Variants in PTPRD observed in about 807,000 individuals in gnomAD.
PTPRD encodes receptor-type tyrosine-protein phosphatase delta.
PTPRD carries 34 observed loss-of-function variants against 214.5 expected under a neutral mutation model. The ratio of observed to expected loss-of-function variants is 0.16; its 90% CI spans 0.12 to 0.21. The LOEUF (loss-of-function observed/expected upper bound fraction) is 0.21. Ranked by LOEUF, PTPRD falls within the 10% of genes least tolerant of loss-of-function variation. PTPRD has a pLI of 1.00. For synonymous variants in PTPRD, 1,128 were observed against 845.7 expected, an observed-to-expected ratio of 1.33 and a Z score of -5.79; for missense variants, 2,545 against 2,398.7, an observed-to-expected ratio of 1.06 and a Z score of -1.27.
chr9:8,987,986 T>C (rs1376230063), intron 11 of PTPRD, among the ~76,000 whole-genome samples: 1 of 150,898 alleles, frequency 6.6e-6, no homozygotes, highest in African/African-American at 2.4e-5. Flanking sequence ...ATGGTAGAAA[T>C]ATGAGGGAAG....
chr9:8,771,330 C>T (rs910976044), intron 11 of PTPRD, among the ~76,000 whole-genome samples: 13 of 152,188 alleles, frequency 8.5e-5, no homozygotes, highest in Middle Eastern at 3.4e-3. Context: ...TATGCAAGTC[C>T]GTGTACACAA....
At chr9:8,519,920 T>A (rs1234942782) in intron 20 of PTPRD, among the ~76,000 whole-genome samples, 1 of 152,148 alleles carries the variant, frequency 6.6e-6, no homozygotes. Context: ...TATTTAAAGC[T>A]GAAATGGTAA....
At chr9:10,339,164 CATT>C (rs573260647) in intron 3 of PTPRD, among the ~76,000 whole-genome samples, 1 of 151,656 alleles carries the variant, frequency 6.6e-6, no homozygotes, top group Non-Finnish European at 1.5e-5. Flanking sequence ...AAGGAATCCT[CATT>C]AGGAGAGAAG....
chr9:9,237,531 G>T (rs2099967595), intron 9 of PTPRD, among the ~76,000 whole-genome samples: 1 of 152,014 alleles, frequency 6.6e-6, no homozygotes, highest in South Asian at 2.1e-4. Context: ...GAAAAGTTTG[G>T]GTAGTAATTA....
At chr9:9,292,999 A>G (rs929859966) in intron 9 of PTPRD, among the ~76,000 whole-genome samples, 2 of 151,512 alleles carry the variant, frequency 1.3e-5, no homozygotes, top group Non-Finnish European at 3.0e-5. Flanking sequence ...AGTGCTTGTT[A>G]GCTTTCTCTA....
At chr9:8,878,560 T>G (rs1181785915) in intron 11 of PTPRD, among the ~76,000 whole-genome samples, 2 of 152,120 alleles carry the variant, frequency 1.3e-5, no homozygotes, top group African/African-American at 2.4e-5. Context: ...AGAGTCTCAC[T>G]GTGTAGACTA....
At chr9:9,133,050 T>G (rs1171654357) in intron 10 of PTPRD, among the ~76,000 whole-genome samples, 1 of 152,244 alleles carries the variant, frequency 6.6e-6, no homozygotes. Context: ...ATTTTAATAA[T>G]ATTATTTCTC....
chr9:9,681,291 T>C (rs2097064505), intron 7 of PTPRD, among the ~76,000 whole-genome samples: 1 of 151,746 alleles, frequency 6.6e-6, no homozygotes, highest in African/African-American at 2.4e-5. Flanking sequence ...ATTGTTTGTC[T>C]CATCAACTCT....
chr9:9,528,100 CTG>C (rs1174488590), intron 8 of PTPRD, among the ~76,000 whole-genome samples: 2 of 152,094 alleles, frequency 1.3e-5, no homozygotes, highest in East Asian at 1.9e-4. Context: ...AGAAATCAAA[CTG>C]TGGAGAGTGA....
intron 10 of PTPRD, among the ~76,000 whole-genome samples, chr9:9,059,850 T>C (rs1406226855): frequency 1.3e-5 from 2 of 152,038 alleles, no homozygotes; most frequent in Admixed American, 1.3e-4. Flanking sequence ...ACATTAAAAA[T>C]GTATAGGACC....
At chr9:9,559,441 C>T (rs529122502) in intron 8 of PTPRD, among the ~76,000 whole-genome samples, 1 of 152,328 alleles carries the variant, frequency 6.6e-6, no homozygotes, top group African/African-American at 2.4e-5. Context: ...TAGGCCCTAG[C>T]CAAAACTATC....
At chr9:10,363,119 T>A (rs530520223) in intron 2 of PTPRD, among the ~76,000 whole-genome samples, 1 of 152,326 alleles carries the variant, frequency 6.6e-6, no homozygotes, top group Admixed American at 6.5e-5. Context: ...AATCTCTAGA[T>A]TTTCTGATTT....
intron 11 of PTPRD, among the ~76,000 whole-genome samples, chr9:8,772,586 T>A (rs757878580): frequency 3.9e-5 from 6 of 152,100 alleles, no homozygotes; most frequent in Middle Eastern, 3.4e-3. Context: ...GAGGATGTAG[T>A]TAGCTATGAC....
chr9:10,144,839 G>A (rs1218545041), intron 3 of PTPRD, among the ~76,000 whole-genome samples: 2 of 151,862 alleles, frequency 1.3e-5, no homozygotes, highest in Non-Finnish European at 2.9e-5. Flanking sequence ...TTTGGCATGT[G>A]GTTTATACAT....
At chr9:9,330,949 A>C (rs1448258567) in intron 9 of PTPRD, among the ~76,000 whole-genome samples, 1 of 151,898 alleles carries the variant, frequency 6.6e-6, no homozygotes, top group Non-Finnish European at 1.5e-5. Flanking sequence ...ATTAACAGAA[A>C]GCTTTTCCTA....
intron 8 of PTPRD, among the ~76,000 whole-genome samples, chr9:9,468,201 C>T (rs942439527): frequency 4.0e-5 from 6 of 151,186 alleles, no homozygotes; most frequent in Non-Finnish European, 5.9e-5. Flanking sequence ...GTTTTTTTAT[C>T]GGTTTTTATT....
At chr9:10,393,591 G>A (rs1390091700) in intron 2 of PTPRD, among the ~76,000 whole-genome samples, 1 of 150,114 alleles carries the variant, frequency 6.7e-6, no homozygotes, top group African/African-American at 2.4e-5. Context: ...AGGAGTTCAA[G>A]GCTAGTCTGG....
At chr9:8,370,696 C>A (rs1032062705) in intron 39 of PTPRD, among the ~76,000 whole-genome samples, 1 of 151,986 alleles carries the variant, frequency 6.6e-6, no homozygotes, top group Non-Finnish European at 1.5e-5. Context: ...CTGACCAGGT[C>A]ACCAGGGAAG....
intron 8 of PTPRD, among the ~76,000 whole-genome samples, chr9:9,439,749 G>A (rs1032392199): frequency 2.6e-5 from 4 of 152,308 alleles, no homozygotes; most frequent in Non-Finnish European, 1.5e-5. Context: ...TGAAGACGAA[G>A]AGCATTAATG....
Sources: gnomAD v4.1 joint callset for allele counts (sites outside exome capture counted in the v4.1 genomes callset) on GRCh38, gnomAD v4.1.1 for gene constraint, MANE v1.5 for transcripts, NCBI Gene and HGNC (gene_info 2026-07-23, HGNC 2026-07-21) for gene names.